RECQL: variants seen among roughly 807,000 people sequenced by gnomAD.
The protein encoded by RECQL is ATP-dependent DNA helicase Q1.
A neutral mutation model predicts 75.8 loss-of-function variants in RECQL; 73 were observed. The ratio of observed to expected loss-of-function variants is 0.96; its 90% CI spans 0.80 to 1.17. The LOEUF (loss-of-function observed/expected upper bound fraction) is 1.17. RECQL is among the 50% of genes most tolerant of loss of function. RECQL has a pLI of 0.00. For synonymous variants in RECQL, 248 were observed against 254.4 expected (o/e 0.97, Z 0.24); for missense variants, 699 against 772.1 (o/e 0.91, Z 1.12).
chr12:21,483,541 T>G lies in RECQL; in HGVS notation c.535A>C (p.Asn179His). Residue 179 changes from asparagine (N) to histidine (H), a missense_variant, in exon 6 of 15, where the codon AAT becomes CAT. Physicochemically the swap from Asn to His is moderately conservative, Grantham distance 68. This residue lies in a region of RECQL where 669 missense variants were observed against 713.5 expected (regional missense o/e 0.94). Transcript: ENST00000444129. ...HVKWVHAEMVNKNSELKLIYV... is the reference protein window; with the variant it reads ...HVKWVHAEMVHKNSELKLIYV... ...ATCAGCTTTAACTCGGAGTTTTTAT[T>G]TACCATTTCAGCATGAACCCATTTA... 1 of 1,579,720 alleles carries G rather than the reference T, an allele frequency of 6.3e-7. No homozygotes were observed. Among genetic ancestry groups the G allele is most frequent in the Non-Finnish European group, 8.5e-7 (1 of 1,170,694 alleles).
At chr12:21,487,122 C>T (rs1348531196) in intron 4 of RECQL, among the ~76,000 whole-genome samples, 2 of 151,756 alleles carry the variant, frequency 1.3e-5, no homozygotes, top group African/African-American at 4.8e-5. Context: ...TACAACTAAA[C>T]AGAACTCTAT....
intron 14 of RECQL, chr12:21,470,644 A>G (rs892917433): frequency 4.3e-5 from 14 of 323,424 alleles, no homozygotes; most frequent in Non-Finnish European, 6.7e-5. Flanking sequence ...GTTTCTAACC[A>G]CTGGAACAGC....
chr12:21,480,147 G>A (rs1018056406), intron 6 of RECQL, among the ~76,000 whole-genome samples: 5 of 152,176 alleles, frequency 3.3e-5, no homozygotes, highest in Non-Finnish European at 7.3e-5. Context: ...GAGAGGAAGA[G>A]TAGGAAATCA....
At chr12:21,501,006 G>T (rs1943601949) in intron 1 of RECQL, among the ~76,000 whole-genome samples, 164 bp downstream of exon 1, 1 of 152,172 alleles carries the variant, frequency 6.6e-6, no homozygotes. Context: ...CAGGGTGACA[G>T]CCAGTCATCA....
chr12:21,483,975 C>T (rs1456258896), intron 5 of RECQL, among the ~76,000 whole-genome samples: 8 of 151,738 alleles, frequency 5.3e-5, no homozygotes. Flanking sequence ...ATTTATAATC[C>T]CTTTATGTAT....
chr12:21,490,294 A>C lies in RECQL; in HGVS notation c.299T>G (p.Ile100Ser), dbSNP rs780718535. ...CTCCTTTCCAGCCATTGTTACGTTA[A>C]TAGTTTCAAGCTGAAGTGGTCTGAA... ...EKFRPLQLET[I>S]NVTMAGKEVF... Residue 100 changes from isoleucine (I) to serine (S), a missense_variant, in exon 4 of 15, where the codon ATT becomes AGT. By Grantham distance (142) the Ile-to-Ser change is moderately radical. Coordinates refer to ENST00000444129, the MANE Select transcript of RECQL (RefSeq NM_002907.4). 1.2e-6 allele frequency: 2 copies of C among 1,612,938 alleles called. No individual in the cohort carries two copies. The highest frequency in any genetic ancestry group is 2.7e-5 in the African/African-American group (2 of 75,000).
intron 12 of RECQL, 135 bp downstream of exon 12, chr12:21,473,416 C>G: frequency 1.5e-6 from 1 of 678,534 alleles, no homozygotes; most frequent in Non-Finnish European, 2.6e-6. Context: ...ACTATACCAT[C>G]TAGGTTTATG....
chr12:21,488,158 T>C (rs890448666), intron 4 of RECQL, among the ~76,000 whole-genome samples: 1 of 152,210 alleles, frequency 6.6e-6, no homozygotes, highest in African/African-American at 2.4e-5. Context: ...GCTAAGGTCA[T>C]AGATGAGTCC....
intron 1 of RECQL, among the ~76,000 whole-genome samples, chr12:21,500,176 A>G (rs1253809505): frequency 6.6e-6 from 1 of 152,230 alleles, no homozygotes; most frequent in African/African-American, 2.4e-5. Flanking sequence ...CTTGCGTTAA[A>G]GAATTACAAT....
intron 3 of RECQL, among the ~76,000 whole-genome samples, chr12:21,491,212 C>T (rs1395481263): frequency 6.6e-6 from 1 of 152,028 alleles, no homozygotes; most frequent in African/African-American, 2.4e-5. Flanking sequence ...TAACCTTTGG[C>T]AAGGAGTTTG....
At position 21,473,417 on chromosome 12, in the gene RECQL, T is replaced by C. The variant is rs1018397335; in HGVS notation, c.1447+134A>G. The C allele has an allele frequency of 1.9e-5, 13 of 679,112 alleles. No homozygotes were observed. In the Admixed American group the frequency reaches 2.7e-4, roughly 14 times the overall value. The allele number at this position is 679,112 out of a possible 1,614,324, so 42.1% of individuals were successfully genotyped here. Reference sequence around the variant, plus strand: ...ATATCACCTAGGAGACTATACCATCTAGGTTTATGTAAGTACACTTTGATG... The same window carrying C: ...ATATCACCTAGGAGACTATACCATCCAGGTTTATGTAAGTACACTTTGATG... On this transcript the variant is annotated intron_variant, in intron 12 of 14. Transcript: ENST00000444129.
chr12:21,485,668 T>A (rs1943280543), intron 5 of RECQL, among the ~76,000 whole-genome samples: 1 of 152,054 alleles, frequency 6.6e-6, no homozygotes, highest in South Asian at 2.1e-4. Context: ...AGATACGTAC[T>A]GAAGAATTTA....
At chr12:21,500,017 A>G (rs1421344150) in intron 1 of RECQL, among the ~76,000 whole-genome samples, 1 of 152,202 alleles carries the variant, frequency 6.6e-6, no homozygotes, top group African/African-American at 2.4e-5. Flanking sequence ...GCAAAGTTGC[A>G]TATGCTGTTC....
chr12:21,474,767 G>A, intron 11 of RECQL, 74 bp downstream of exon 11: 1 of 1,428,144 alleles, frequency 7.0e-7, no homozygotes, highest in Non-Finnish European at 9.8e-7. Flanking sequence ...TATTTAGTAA[G>A]AACTTAAAAA....
chr12:21,497,310 T>C (rs893408570), intron 2 of RECQL, among the ~76,000 whole-genome samples: 6 of 151,996 alleles, frequency 3.9e-5, no homozygotes, highest in Non-Finnish European at 8.8e-5. Context: ...TGGGATTCAG[T>C]GTTACTAAGG....
intron 4 of RECQL, among the ~76,000 whole-genome samples, chr12:21,489,743 A>G (rs965766404): frequency 6.6e-6 from 1 of 152,200 alleles, no homozygotes; most frequent in Non-Finnish European, 1.5e-5. Context: ...TATGGTTAAC[A>G]ATAATTTAGA....
intron 4 of RECQL, among the ~76,000 whole-genome samples, chr12:21,488,804 C>G (rs903833032): frequency 5.9e-5 from 9 of 152,190 alleles, no homozygotes; most frequent in Non-Finnish European, 2.9e-5. Context: ...AATAATGAGT[C>G]TCTTACCTGT....
At chr12:21,477,723 G>A in intron 7 of RECQL, 80 bp downstream of exon 7, 1 of 1,217,720 alleles carries the variant, frequency 8.2e-7, no homozygotes, top group East Asian at 2.5e-5. Context: ...AACTGCTCAT[G>A]TAAATAAACA....
Position 21,477,800 on chromosome 12 carries a change from T to C in RECQL, c.867+3A>G, listed in dbSNP as rs762454777. The C allele has an allele frequency of 4.4e-6, 7 of 1,594,796 alleles. No homozygotes were observed. Among genetic ancestry groups the C allele is most frequent in the Non-Finnish European group, 6.0e-6 (7 of 1,168,718 alleles). ...GTAAGGAATTGACATAAAAATTACA[T>C]ACCTCATAATATAGATTTGGCCTAT... is the stretch of plus-strand genomic sequence containing the variant. On this transcript the variant is annotated splice_donor_region_variant and intron_variant, in intron 7 of 14. Coordinates refer to ENST00000444129, the MANE Select transcript of RECQL (RefSeq NM_002907.4).
Sources: allele counts gnomAD v4.1 joint callset (sites outside exome capture counted in the v4.1 genomes callset), GRCh38; gene constraint gnomAD v4.1.1; regional missense constraint gnomAD v4.1.1; transcripts MANE v1.5; gene names NCBI Gene and HGNC (gene_info 2026-07-23, HGNC 2026-07-21).